PEX5L: variants seen among roughly 807,000 people sequenced by gnomAD.
The protein encoded by PEX5L is PEX5-related protein.
In PEX5L, 30 loss-of-function variants were observed where a neutral mutation model predicts 84.0. The observed-to-expected ratio is 0.36, with a 90% confidence interval of 0.27 to 0.48. The LOEUF (loss-of-function observed/expected upper bound fraction) is 0.48, where lower values mean the gene tolerates loss of function less well. Ranked by LOEUF, PEX5L falls within the 20% of genes least tolerant of loss-of-function variation. PEX5L has a pLI of 0.99. For synonymous variants in PEX5L, 270 were observed against 283.1 expected, an observed-to-expected ratio of 0.95 and a Z score of 0.46; for missense variants, 533 against 754.6, an observed-to-expected ratio of 0.71 and a Z score of 3.44.
rs75695204 is a variant in PEX5L at position 179,910,894 on chromosome 3, A to G, written c.94-12648T>C. The stretch of plus-strand genomic sequence containing the variant: ...TAATCACAGTATGGATTCATTTCAA[A>G]TGTAGAACACCTCTTATAAATGTCA... On this transcript the variant is annotated intron_variant, in intron 2 of 14. Coordinates refer to ENST00000467460, the MANE Select transcript of PEX5L (RefSeq NM_016559.3). Among the ~76,000 whole-genome samples, 915 of 152,326 alleles carry G rather than the reference A, an allele frequency of 6.0e-3. 12 individuals are homozygous for G. The highest frequency in any genetic ancestry group is 0.03 in the East Asian group (158 of 5,188).
intron 8 of PEX5L, among the ~76,000 whole-genome samples, chr3:179,841,482 T>C (rs1194342816): frequency 6.6e-6 from 1 of 152,190 alleles, no homozygotes; most frequent in Non-Finnish European, 1.5e-5. Flanking sequence ...GTACTTAATA[T>C]ATTATATTAG....
At chr3:180,032,695 A>C (rs1397683584) in intron 1 of PEX5L, among the ~76,000 whole-genome samples, 1 of 152,122 alleles carries the variant, frequency 6.6e-6, no homozygotes, top group Non-Finnish European at 1.5e-5. Flanking sequence ...CTCTACAAAA[A>C]ATACAAAAAT....
intron 1 of PEX5L, among the ~76,000 whole-genome samples, chr3:180,013,604 A>C (rs1789673918): frequency 1.3e-5 from 2 of 152,136 alleles, no homozygotes; most frequent in South Asian, 4.1e-4. Context: ...ATTTCTTTAG[A>C]ATTGATGGCA....
intron 1 of PEX5L, among the ~76,000 whole-genome samples, chr3:179,997,510 C>T (rs1788001305): frequency 6.6e-6 from 1 of 152,268 alleles, no homozygotes; most frequent in Middle Eastern, 3.4e-3. Flanking sequence ...ATTAGAGCTG[C>T]CTCTACCTAG....
chr3:179,928,665 C>G (rs990658131), intron 2 of PEX5L, among the ~76,000 whole-genome samples: 2 of 152,228 alleles, frequency 1.3e-5, no homozygotes, highest in African/African-American at 4.8e-5. Flanking sequence ...ACCGGAAGCA[C>G]AGTTCTGTGT....
intron 4 of PEX5L, among the ~76,000 whole-genome samples, 167 bp downstream of exon 4, chr3:179,887,506 T>C (rs2302741): frequency 0.27 from 41,262 of 152,190 alleles, 6,073 homozygotes; most frequent in Non-Finnish European, 0.33. Flanking sequence ...GTAATATACA[T>C]TGCAATTTCT....
chr3:179,807,001 G>A (rs964824299), intron 14 of PEX5L, among the ~76,000 whole-genome samples: 7 of 151,880 alleles, frequency 4.6e-5, no homozygotes, highest in Non-Finnish European at 7.4e-5. Flanking sequence ...AGAAAAAATG[G>A]GAAAAGAAAG....
intron 2 of PEX5L, among the ~76,000 whole-genome samples, chr3:179,954,682 C>G (rs73057366): frequency 0.19 from 29,313 of 152,016 alleles, 3,360 homozygotes; most frequent in Non-Finnish European, 0.26. Context: ...AGAGGTGGAG[C>G]GCGGGCTTTG....
intron 8 of PEX5L, among the ~76,000 whole-genome samples, chr3:179,850,247 C>G (rs1741284228): frequency 6.6e-6 from 1 of 152,044 alleles, no homozygotes; most frequent in South Asian, 2.1e-4. Flanking sequence ...CTAACTCAGC[C>G]TCCCAGGTAG....
intron 2 of PEX5L, among the ~76,000 whole-genome samples, chr3:179,955,893 A>G (rs953035084): frequency 6.6e-6 from 1 of 152,162 alleles, no homozygotes; most frequent in Non-Finnish European, 1.5e-5. Context: ...AGTACTACCG[A>G]TGTAAAAGTA....
At chr3:180,010,958 G>T (rs1030775875) in intron 1 of PEX5L, among the ~76,000 whole-genome samples, 2 of 152,172 alleles carry the variant, frequency 1.3e-5, no homozygotes, top group Admixed American at 1.3e-4. Flanking sequence ...AGTGGAAGGC[G>T]TGCTGGTCTG....
chr3:179,875,814 C>G (rs1752198633), intron 5 of PEX5L, among the ~76,000 whole-genome samples: 1 of 152,098 alleles, frequency 6.6e-6, no homozygotes, highest in Non-Finnish European at 1.5e-5. Flanking sequence ...TGTATATAAG[C>G]CTGTGCGATC....
chr3:179,863,922 A>G (rs962698238), intron 7 of PEX5L, among the ~76,000 whole-genome samples: 3 of 152,046 alleles, frequency 2.0e-5, no homozygotes, highest in Admixed American at 6.6e-5. Context: ...TAATTGAATC[A>G]TGGGGGCAGG....
rs71182521 is a variant in PEX5L, at chr3:179,840,183, G to GTTTT, written c.822+18875_822+18878dup. On this transcript the variant is annotated intron_variant, in intron 8 of 14. Coordinates refer to ENST00000467460, the MANE Select transcript of PEX5L (RefSeq NM_016559.3). ...TTTTTGTGTGTGTGTGTGTGTGTGT[G>GTTTT]TTTTTTTTTTTTTTTTTTTTTTGAG... Among the ~76,000 whole-genome samples the GTTTT allele has an allele frequency of 1.5e-3, 120 of 78,708 alleles. 1 individual carries two copies. Among genetic ancestry groups the GTTTT allele is most frequent in the Middle Eastern group, 7.9e-3 (1 of 126 alleles). 51.6% of individuals were successfully genotyped at this position (78,708 alleles called of 152,430 possible). A position where few individuals can be genotyped will look rare whatever the true frequency, so the allele number is the denominator to read the frequency against.
intron 1 of PEX5L, among the ~76,000 whole-genome samples, chr3:179,981,411 G>A (rs1172915127): frequency 6.6e-6 from 1 of 152,186 alleles, no homozygotes; most frequent in East Asian, 1.9e-4. Context: ...GAGAGCCATT[G>A]AAGTGGTCAG....
intron 2 of PEX5L, among the ~76,000 whole-genome samples, chr3:179,950,359 T>C (rs1778747606): frequency 7.4e-6 from 1 of 135,288 alleles, no homozygotes; most frequent in Non-Finnish European, 1.5e-5. Flanking sequence ...GGGACTGCTG[T>C]AGGGTGAGGG....
chr3:179,901,490 C>T (rs1426908346), intron 2 of PEX5L, among the ~76,000 whole-genome samples: 1 of 152,112 alleles, frequency 6.6e-6, no homozygotes, highest in Non-Finnish European at 1.5e-5. Context: ...GCTTCTATGC[C>T]ACTCAGCAAC....
Position 179,796,244 on chromosome 3 carries a change from T to C in PEX5L, c.*5584A>G, listed in dbSNP as rs1334139462. ...GTTGAGCAAAGAACTGCCTAATTGT[T>C]GTTGTTGTTTCCATCTTAATATTAT... On this transcript the variant is annotated 3_prime_UTR_variant, in exon 15 of 15. Coordinates refer to ENST00000467460, the MANE Select transcript of PEX5L (RefSeq NM_016559.3). 1.3e-5 allele frequency: 2 copies of C among 151,712 alleles called. No homozygotes were observed. The highest frequency in any genetic ancestry group is 2.9e-5 in the Non-Finnish European group (2 of 67,898). 9.4% of individuals were successfully genotyped at this position (151,712 alleles called of 1,614,324 possible). A position where few individuals can be genotyped will look rare whatever the true frequency, so the allele number is the denominator to read the frequency against.
chr3:179,918,150 T>C (rs1767920878), intron 2 of PEX5L, among the ~76,000 whole-genome samples: 1 of 152,170 alleles, frequency 6.6e-6, no homozygotes, highest in South Asian at 2.1e-4. Flanking sequence ...CTACTATGTT[T>C]TATTGCCTCT....
Sources: allele counts gnomAD v4.1 joint callset (sites outside exome capture counted in the v4.1 genomes callset), GRCh38; gene constraint gnomAD v4.1.1; transcripts MANE v1.5; gene names NCBI Gene and HGNC (gene_info 2026-07-23, HGNC 2026-07-21).